Variants in FHIP1A observed in about 807,000 individuals in gnomAD.
The protein encoded by FHIP1A is FHF complex subunit HOOK-interacting protein 1A.
A neutral mutation model predicts 88.6 loss-of-function variants in FHIP1A; 61 were observed. The observed-to-expected ratio is 0.69, with a 90% CI of 0.56 to 0.85. The LOEUF is 0.85. FHIP1A is among the 40% of genes least tolerant of loss of function. The pLI is 0.00. For missense variants in FHIP1A, 1,154 were observed against 1,273.5 expected, an observed-to-expected ratio of 0.91 and a Z score of 1.43; for synonymous variants, 478 against 496.0, an observed-to-expected ratio of 0.96 and a Z score of 0.48.
At chr4:151,523,880 C>T (rs1191638072) in intron 3 of FHIP1A, among the ~76,000 whole-genome samples, 1 of 152,164 alleles carries the variant, frequency 6.6e-6, no homozygotes, top group Admixed American at 6.5e-5. Flanking sequence ...GCAGCCCTTC[C>T]ATTGATCCAT....
intron 2 of FHIP1A, among the ~76,000 whole-genome samples, chr4:151,458,436 A>G (rs559433547): frequency 6.6e-6 from 1 of 152,192 alleles, no homozygotes; most frequent in Admixed American, 6.6e-5. Context: ...TTCACCAGGT[A>G]CTTTGGGAAG....
intron 5 of FHIP1A, among the ~76,000 whole-genome samples, chr4:151,586,134 G>T (rs1734202153): frequency 6.6e-6 from 1 of 152,096 alleles, no homozygotes; most frequent in Non-Finnish European, 1.5e-5. Context: ...GAATTGCATG[G>T]AATCTTTCCC....
At chr4:151,597,221 C>A (rs1734682131) in intron 7 of FHIP1A, among the ~76,000 whole-genome samples, 1 of 152,078 alleles carries the variant, frequency 6.6e-6, no homozygotes, top group Middle Eastern at 3.2e-3. Flanking sequence ...GAGTGGACGT[C>A]CTTTTTGTTG....
At chr4:151,514,745 C>A (rs1045461889) in intron 3 of FHIP1A, among the ~76,000 whole-genome samples, 3 of 151,922 alleles carry the variant, frequency 2.0e-5, no homozygotes, top group African/African-American at 7.3e-5. Flanking sequence ...CCTCCGAAGA[C>A]TAAACCAGGA....
At chr4:151,513,089 C>T (rs1214973613) in intron 3 of FHIP1A, among the ~76,000 whole-genome samples, 1 of 152,206 alleles carries the variant, frequency 6.6e-6, no homozygotes, top group African/African-American at 2.4e-5. Context: ...GCCCATCAGA[C>T]TAACAGCGGA....
chr4:151,573,867 A>C (rs1242912403), intron 4 of FHIP1A, among the ~76,000 whole-genome samples: 1 of 152,214 alleles, frequency 6.6e-6, no homozygotes, highest in Non-Finnish European at 1.5e-5. Flanking sequence ...AGTCCAGGTC[A>C]CATCAGAGAT....
At chr4:151,601,074 A>G (rs1256522854) in intron 7 of FHIP1A, among the ~76,000 whole-genome samples, 2 of 152,190 alleles carry the variant, frequency 1.3e-5, no homozygotes, top group African/African-American at 4.8e-5. Context: ...GTAAAGGGTC[A>G]AAGAGACATA....
intron 1 of FHIP1A, among the ~76,000 whole-genome samples, chr4:151,424,808 A>T (rs1162074786): frequency 8.6e-5 from 3 of 34,770 alleles, no homozygotes; most frequent in Non-Finnish European, 2.1e-4. Flanking sequence ...TCTTTCCTGT[A>T]AAAAAAAAAA....
chr4:151,637,350 G>GACA (rs1333012560), intron 8 of FHIP1A, among the ~76,000 whole-genome samples: 1 of 152,086 alleles, frequency 6.6e-6, no homozygotes, highest in African/African-American at 2.4e-5. Flanking sequence ...GCCTTCAAGG[G>GACA]ACAACAGCAG....
At chr4:151,612,968 G>A (rs1578817451) in intron 7 of FHIP1A, among the ~76,000 whole-genome samples, 1 of 152,294 alleles carries the variant, frequency 6.6e-6, no homozygotes, top group East Asian at 1.9e-4. Flanking sequence ...CTTTTTAGTG[G>A]TGGAAGGCAG....
chr4:151,587,047 T>C (rs1000630715), intron 6 of FHIP1A, among the ~76,000 whole-genome samples: 4 of 152,236 alleles, frequency 2.6e-5, no homozygotes, highest in Admixed American at 2.0e-4. Flanking sequence ...CTGTTTTGAT[T>C]ATCTACTTAA....
intron 7 of FHIP1A, among the ~76,000 whole-genome samples, chr4:151,627,485 A>G (rs1316943654): frequency 6.6e-6 from 1 of 152,252 alleles, no homozygotes; most frequent in East Asian, 1.9e-4. Context: ...TCAGTTCAGC[A>G]GTGTTCCATA....
chr4:151,509,141 G>A lies in FHIP1A; in HGVS notation c.-123+26493G>A, dbSNP rs116663179. On this transcript the variant is annotated intron_variant, in intron 3 of 13. Coordinates refer to ENST00000435205, the MANE Select transcript of FHIP1A (RefSeq NM_001109977.3). ...ACTTTTTCAGTCACTGGCATGACTG[G>A]AAGCATTTATTAAGTATTTTTTTTG... Among the ~76,000 whole-genome samples, 824 of 152,168 alleles carry A rather than the reference G, an allele frequency of 5.4e-3. 7 individuals are homozygous for A. Among genetic ancestry groups the A allele is most frequent in the African/African-American group, 0.019 (802 of 41,512 alleles).
intron 2 of FHIP1A, among the ~76,000 whole-genome samples, chr4:151,471,227 C>A (rs1729497893): frequency 1.3e-5 from 2 of 149,964 alleles, no homozygotes; most frequent in South Asian, 2.1e-4. Context: ...TGAAGCAAAG[C>A]AGTTCTCTAG....
At chr4:151,652,078 T>C (rs1737051564) in intron 11 of FHIP1A, among the ~76,000 whole-genome samples, 1 of 152,168 alleles carries the variant, frequency 6.6e-6, no homozygotes, top group African/African-American at 2.4e-5. Flanking sequence ...GCCATGAAGA[T>C]TATTCTTTAG....
chr4:151,415,231 G>C (rs1732843253), intron 1 of FHIP1A, among the ~76,000 whole-genome samples: 1 of 150,308 alleles, frequency 6.7e-6, no homozygotes, highest in Non-Finnish European at 1.5e-5. Context: ...CTGTCACCCA[G>C]GCTGGAGTGC....
chr4:151,587,354 C>T (rs898318346), intron 6 of FHIP1A, among the ~76,000 whole-genome samples: 3 of 152,128 alleles, frequency 2.0e-5, no homozygotes, highest in African/African-American at 7.2e-5. Flanking sequence ...TAGATTTTTA[C>T]CTTTAGATTT....
At chr4:151,474,197 T>G (rs1729621191) in intron 2 of FHIP1A, among the ~76,000 whole-genome samples, 1 of 152,192 alleles carries the variant, frequency 6.6e-6, no homozygotes, top group South Asian at 2.1e-4. Context: ...ATTACTGTAA[T>G]TTGATAGTGA....
At chr4:151,544,971 A>T (rs1732434802) in intron 3 of FHIP1A, among the ~76,000 whole-genome samples, 1 of 152,086 alleles carries the variant, frequency 6.6e-6, no homozygotes. Context: ...CTACTTGGAG[A>T]GGCTGAGGTG....
Sources: gnomAD v4.1 joint callset for allele counts (sites outside exome capture counted in the v4.1 genomes callset) on GRCh38, gnomAD v4.1.1 for gene constraint, MANE v1.5 for transcripts, NCBI Gene and HGNC (gene_info 2026-07-23, HGNC 2026-07-21) for gene names.